MAD1L1: variants seen among roughly 807,000 people sequenced by gnomAD.
The protein encoded by MAD1L1 is mitotic spindle assembly checkpoint protein MAD1.
Under a neutral mutation model 96.9 loss-of-function variants are expected in MAD1L1, and 95 were observed. That is an observed-to-expected ratio of 0.98 (90% CI 0.83 to 1.16). MAD1L1 has a LOEUF of 1.16. MAD1L1 is among the 50% of genes most tolerant of loss of function. The pLI, the probability that MAD1L1 is intolerant of heterozygous loss-of-function variation, is 0.00. For missense variants in MAD1L1, 1,007 were observed against 954.4 expected (o/e 1.06, Z -0.73); for synonymous variants, 473 against 396.6 (o/e 1.19, Z -2.29).
intron 10 of MAD1L1, among the ~76,000 whole-genome samples, chr7:2,199,549 T>A (rs1313337045): frequency 1.3e-5 from 2 of 152,254 alleles, no homozygotes; most frequent in East Asian, 3.8e-4. Flanking sequence ...AGAATCACTC[T>A]GCTACACGGA....
At position 2,197,714 on chromosome 7, in the gene MAD1L1, G is replaced by A. The variant is rs182820261; in HGVS notation, c.986+15498C>T. 2.2e-4 allele frequency among the ~76,000 whole-genome samples: 33 copies of A among 152,302 alleles called. 1 individual carries two copies. The East Asian group carries it at 2.7e-3, about 12-fold the overall frequency. ...TCTGGCTCTGCCACTCCCCTAGGCC[G>A]GCTCATCCCTGCCCCTCACTGGGCA... On this transcript the variant is annotated intron_variant, in intron 10 of 18. Transcript: ENST00000265854.
At chr7:1,920,837 T>C (rs1226482198) in intron 17 of MAD1L1, among the ~76,000 whole-genome samples, 1 of 152,208 alleles carries the variant, frequency 6.6e-6, no homozygotes, top group African/African-American at 2.4e-5. Flanking sequence ...GCACGAACAC[T>C]GTGTATCCAT....
chr7:2,207,184 C>A (rs1445843145), intron 10 of MAD1L1, among the ~76,000 whole-genome samples: 1 of 151,996 alleles, frequency 6.6e-6, no homozygotes, highest in Non-Finnish European at 1.5e-5. Context: ...AAACTGCCAT[C>A]TTAACAATAA....
intron 12 of MAD1L1, among the ~76,000 whole-genome samples, chr7:2,034,138 G>C (rs190233202): frequency 6.6e-6 from 1 of 151,784 alleles, no homozygotes; most frequent in Admixed American, 6.6e-5. Flanking sequence ...TATGGGGAAA[G>C]CACTGAGTCC....
intron 10 of MAD1L1, among the ~76,000 whole-genome samples, chr7:2,155,179 G>A (rs1260141184): frequency 6.6e-6 from 1 of 152,086 alleles, no homozygotes; most frequent in Middle Eastern, 3.2e-3. Context: ...GCGAGCAAAG[G>A]GGGGTCCTCA....
chr7:2,062,733 G>A (rs747366622), intron 12 of MAD1L1, among the ~76,000 whole-genome samples: 3 of 152,068 alleles, frequency 2.0e-5, no homozygotes, highest in East Asian at 3.9e-4. Flanking sequence ...ACTTCAACAC[G>A]GAGACTACTG....
intron 15 of MAD1L1, among the ~76,000 whole-genome samples, chr7:1,979,631 C>A (rs1780802562): frequency 6.6e-6 from 1 of 152,254 alleles, no homozygotes; most frequent in African/African-American, 2.4e-5. Flanking sequence ...GCAGCCCGGC[C>A]TGCAGACCCT....
At chr7:2,152,333 C>T (rs1015900389) in intron 10 of MAD1L1, among the ~76,000 whole-genome samples, 8 of 152,198 alleles carry the variant, frequency 5.3e-5, no homozygotes, top group South Asian at 2.1e-4. Context: ...CAGGGGCAGC[C>T]GTGCCCAACA....
At chr7:2,135,140 G>A (rs1041818549) in intron 11 of MAD1L1, among the ~76,000 whole-genome samples, 6 of 152,176 alleles carry the variant, frequency 3.9e-5, no homozygotes, top group Non-Finnish European at 7.4e-5. Context: ...AACGGTGAGC[G>A]CACCTGCCTT....
At chr7:2,049,103 C>T (rs1002964710) in intron 12 of MAD1L1, among the ~76,000 whole-genome samples, 1 of 152,214 alleles carries the variant, frequency 6.6e-6, no homozygotes, top group African/African-American at 2.4e-5. Context: ...AAAGCATTCC[C>T]TCATGTAATC....
chr7:1,894,729 T>G (rs554890277), intron 18 of MAD1L1, among the ~76,000 whole-genome samples: 103 of 151,296 alleles, frequency 6.8e-4, no homozygotes, highest in African/African-American at 2.4e-3. Flanking sequence ...AGCGGGGTGC[T>G]AGGCACAGCT....
chr7:1,885,419 G>A (rs1286975292), intron 18 of MAD1L1, among the ~76,000 whole-genome samples: 2 of 152,252 alleles, frequency 1.3e-5, no homozygotes, highest in African/African-American at 4.8e-5. Flanking sequence ...CAAACTCACA[G>A]CAGTGAGCAC....
chr7:1,927,947 T>C (rs1209283224), intron 17 of MAD1L1, among the ~76,000 whole-genome samples: 1 of 151,422 alleles, frequency 6.6e-6, no homozygotes, highest in East Asian at 1.9e-4. Flanking sequence ...AACTCAATAC[T>C]AACAATTCAA....
chr7:2,087,177 G>C (rs908086932), intron 11 of MAD1L1, among the ~76,000 whole-genome samples: 6 of 152,106 alleles, frequency 3.9e-5, no homozygotes, highest in Non-Finnish European at 8.8e-5. Context: ...CTGTGGTGGG[G>C]GATGCTCAGT....
rs540432025 is a variant in MAD1L1 at position 2,006,537 on chromosome 7, G to A, written c.1360-4416C>T. Among the ~76,000 whole-genome samples, 7 of 151,958 alleles carry A rather than the reference G, an allele frequency of 4.6e-5. No homozygotes were observed. In the South Asian group the frequency reaches 6.2e-4, roughly 14 times the overall value. ...AAAAACAAAGAAAACACCGAAACCC[G>A]CACGGCCCAGCACAGGAGAGACGGG... is the stretch of plus-strand genomic sequence containing the variant. On this transcript the variant is annotated intron_variant, in intron 13 of 18. Coordinates refer to ENST00000265854, the MANE Select transcript of MAD1L1 (RefSeq NM_001013836.2).
intron 15 of MAD1L1, among the ~76,000 whole-genome samples, chr7:1,965,348 T>C (rs938031281): frequency 6.6e-6 from 1 of 152,128 alleles, no homozygotes; most frequent in African/African-American, 2.4e-5. Flanking sequence ...GTGTGACGGG[T>C]GCCCACGCCT....
At chr7:1,923,630 T>A (rs989587073) in intron 17 of MAD1L1, among the ~76,000 whole-genome samples, 1 of 152,280 alleles carries the variant, frequency 6.6e-6, no homozygotes, top group Non-Finnish European at 1.5e-5. Flanking sequence ...GTTCCAACGC[T>A]GTGGCTGGCG....
At chr7:1,927,832 T>C (rs1176435213) in intron 17 of MAD1L1, among the ~76,000 whole-genome samples, 1 of 152,102 alleles carries the variant, frequency 6.6e-6, no homozygotes, top group Non-Finnish European at 1.5e-5. Context: ...TGCACCCAGA[T>C]GAAAAGCATT....
intron 11 of MAD1L1, chr7:2,079,563 A>G: frequency 2.2e-6 from 1 of 458,146 alleles, no homozygotes; most frequent in Non-Finnish European, 4.6e-6. Flanking sequence ...TTCAATTTGC[A>G]TTCCCAGATA....
Sources: gnomAD v4.1 joint callset for allele counts (sites outside exome capture counted in the v4.1 genomes callset) on GRCh38, gnomAD v4.1.1 for gene constraint, MANE v1.5 for transcripts, NCBI Gene and HGNC (gene_info 2026-07-23, HGNC 2026-07-21) for gene names.